NEK5: variants seen among roughly 807,000 people sequenced by gnomAD.
The protein encoded by NEK5 is NIMA related kinase 5.
Under a neutral mutation model 109.2 loss-of-function variants are expected in NEK5, and 88 were observed. The ratio of observed to expected loss-of-function variants is 0.81; its 90% confidence interval spans 0.68 to 0.96. The LOEUF (loss-of-function observed/expected upper bound fraction) is 0.96. Ranked by LOEUF, NEK5 falls within the 40% of genes least tolerant of loss-of-function variation. The pLI is 0.00. For missense variants in NEK5, 834 were observed against 920.7 expected, an observed-to-expected ratio of 0.91 and a Z score of 1.22; for synonymous variants, 283 against 299.9, an observed-to-expected ratio of 0.94 and a Z score of 0.58.
chr13:52,064,563 C>T (rs1408202407), intron 21 of NEK5, among the ~76,000 whole-genome samples: 30 of 151,862 alleles, frequency 2.0e-4, no homozygotes, highest in African/African-American at 6.0e-4. Flanking sequence ...TCTGCCCGGC[C>T]GCCCCTACTG....
In NEK5 at chr13:52,036,231, TTC is replaced by T. The variant is rs1332248666; in HGVS notation, c.*715_*716del. 6.6e-6 allele frequency: 1 copy of T among 152,268 alleles called. No individual in the cohort carries two copies. Among genetic ancestry groups the T allele is most frequent in the Non-Finnish European group, 1.5e-5 (1 of 68,086 alleles). 9.4% of individuals were successfully genotyped at this position (152,268 alleles called of 1,614,324 possible). On this transcript the variant is annotated 3_prime_UTR_variant, in exon 24 of 24. Coordinates refer to ENST00000684899, the MANE Select transcript of NEK5 (RefSeq NM_001365552.1). ...TTTTCATGCTGCGATCTCTCTGGTT[TTC>T]TCTTTTGTCTTCCTCTTCCACTTGT...
At chr13:52,084,726 A>T (rs1413541217) in intron 16 of NEK5, among the ~76,000 whole-genome samples, 1 of 128,254 alleles carries the variant, frequency 7.8e-6, no homozygotes, top group African/African-American at 3.0e-5. Context: ...AGAGAGAGAG[A>T]GAGAGAGTGA....
At position 52,035,237 on chromosome 13, in the gene NEK5, A is replaced by C. The variant is rs890869623; in HGVS notation, c.*1711T>G. The C allele has an allele frequency of 1.3e-5, 2 of 151,988 alleles. No individual in the cohort carries two copies. The highest frequency in any genetic ancestry group is 4.8e-5 in the African/African-American group (2 of 41,452). The allele number at this position is 151,988 out of a possible 1,614,324, so 9.4% of individuals were successfully genotyped here. The stretch of plus-strand genomic sequence containing the variant: ...ACCAAGTTGAAAGAACAGTCTGTCA[A>C]ACATCAGGAAATAGTCACAAAAAAC... On this transcript the variant is annotated 3_prime_UTR_variant, in exon 24 of 24. Coordinates refer to ENST00000684899, the MANE Select transcript of NEK5 (RefSeq NM_001365552.1).
chr13:52,107,775 G>T (rs1223390830), intron 8 of NEK5, among the ~76,000 whole-genome samples: 1 of 151,938 alleles, frequency 6.6e-6, no homozygotes, highest in Non-Finnish European at 1.5e-5. Flanking sequence ...AACTCCCCAG[G>T]CCTCCACAAA....
chr13:52,061,402 A>G (rs1954613781), intron 22 of NEK5, among the ~76,000 whole-genome samples: 1 of 152,180 alleles, frequency 6.6e-6, no homozygotes, highest in Non-Finnish European at 1.5e-5. Flanking sequence ...CTTAAAGTAA[A>G]CAAAAGCAGA....
intron 20 of NEK5, among the ~76,000 whole-genome samples, chr13:52,069,729 C>A (rs1217610747): frequency 6.6e-6 from 1 of 152,184 alleles, no homozygotes; most frequent in Non-Finnish European, 1.5e-5. Flanking sequence ...TATCTATTCT[C>A]CCTGCACCAC....
rs770147924 is a variant in NEK5, at chr13:52,086,305, A to AT, written c.1450dup (p.Ile484AsnfsTer2). On this transcript the variant is annotated frameshift_variant, in exon 16 of 24. Coordinates refer to ENST00000684899, the MANE Select transcript of NEK5 (RefSeq NM_001365552.1). LOFTEE classifies it high-confidence loss of function. ...TGGTTCTCTCCCCATCTTCTTTCTA[A>AT]TTTCTTTCATGTCATTGTGGTACTG... 1.2e-6 allele frequency: 2 copies of AT among 1,611,656 alleles called. No homozygotes were observed. Among genetic ancestry groups the AT allele is most frequent in the African/African-American group, 2.7e-5 (2 of 74,878 alleles).
chr13:52,115,645 A>G (rs1246889628), intron 4 of NEK5, among the ~76,000 whole-genome samples: 1 of 149,824 alleles, frequency 6.7e-6, no homozygotes, highest in Non-Finnish European at 1.5e-5. Flanking sequence ...CTTAATGTCA[A>G]TTAGCATTAT....
At chr13:52,106,045 C>T (rs1955647303) in intron 8 of NEK5, among the ~76,000 whole-genome samples, 1 of 151,974 alleles carries the variant, frequency 6.6e-6, no homozygotes, top group Non-Finnish European at 1.5e-5. Flanking sequence ...TACAAGCAAA[C>T]AAAACAATGC....
chr13:52,080,066 G>GC (rs1478014285), intron 17 of NEK5, among the ~76,000 whole-genome samples: 1 of 150,766 alleles, frequency 6.6e-6, no homozygotes, highest in Non-Finnish European at 1.5e-5. Context: ...CCGCCCGGCA[G>GC]CCGCCCGGTC....
chr13:52,073,307 C>T (rs1394746384), intron 19 of NEK5, among the ~76,000 whole-genome samples: 1 of 151,164 alleles, frequency 6.6e-6, no homozygotes, highest in Non-Finnish European at 1.5e-5. Flanking sequence ...GAACACCAAA[C>T]ATTTTTCTTT....
intron 14 of NEK5, 52 bp from the exon 15 acceptor site, chr13:52,087,506 C>T (rs748276599): frequency 3.3e-6 from 3 of 902,494 alleles, no homozygotes; most frequent in Non-Finnish European, 3.5e-6. Flanking sequence ...TCGGAAACAT[C>T]TTCTGATTTG....
At chr13:52,064,231 G>A (rs1954647519) in intron 21 of NEK5, among the ~76,000 whole-genome samples, 1 of 139,976 alleles carries the variant, frequency 7.1e-6, no homozygotes, top group Non-Finnish European at 1.6e-5. Flanking sequence ...GAGGTGGGGG[G>A]GTCAGCCCCC....
intron 21 of NEK5, among the ~76,000 whole-genome samples, chr13:52,063,526 G>A (rs1351938004): frequency 7.3e-5 from 11 of 151,126 alleles, no homozygotes; most frequent in South Asian, 2.1e-4. Context: ...GTCTCTGCCC[G>A]GCCGCCCATC....
In NEK5 at chr13:52,083,259, C is replaced by T. The variant is rs374922763; in HGVS notation, c.1572+1G>A. The T allele has an allele frequency of 3.0e-5, 48 of 1,599,898 alleles. No homozygotes were observed. The highest frequency in any genetic ancestry group is 3.9e-5 in the Non-Finnish European group (45 of 1,167,114). On this transcript the variant is annotated splice_donor_variant, in intron 17 of 23. Transcript: ENST00000684899. LOFTEE classifies it high-confidence loss of function. Reference sequence around the variant, plus strand: ...ACACATCTGATCATAGCCATCATTACCTGCACAGGTGCTTCTCCCTCAGAT... The same window carrying T: ...ACACATCTGATCATAGCCATCATTATCTGCACAGGTGCTTCTCCCTCAGAT...
intron 15 of NEK5, among the ~76,000 whole-genome samples, chr13:52,086,914 G>A (rs1295294392): frequency 3.3e-5 from 5 of 152,202 alleles, no homozygotes; most frequent in Non-Finnish European, 7.3e-5. Flanking sequence ...TGCCAGTGAC[G>A]CACCAGAAGC....
intron 21 of NEK5, among the ~76,000 whole-genome samples, chr13:52,063,712 C>T (rs1383716357): frequency 2.6e-5 from 4 of 151,842 alleles, no homozygotes; most frequent in Non-Finnish European, 5.9e-5. Context: ...AGAAGCGCCT[C>T]TGCCCGGCCG....
chr13:52,047,461 C>T (rs1384517651), intron 23 of NEK5, among the ~76,000 whole-genome samples: 2 of 152,060 alleles, frequency 1.3e-5, no homozygotes, highest in Admixed American at 1.3e-4. Flanking sequence ...GACTGTGTAG[C>T]TGATGTAAAG....
At chr13:52,098,708 A>G (rs1276450050) in intron 12 of NEK5, among the ~76,000 whole-genome samples, 1 of 152,214 alleles carries the variant, frequency 6.6e-6, no homozygotes, top group Non-Finnish European at 1.5e-5. Flanking sequence ...TCCTATACAG[A>G]AAAATCTTAT....
Sources: allele counts gnomAD v4.1 joint callset (sites outside exome capture counted in the v4.1 genomes callset), GRCh38; gene constraint gnomAD v4.1.1; transcripts MANE v1.5; gene names NCBI Gene and HGNC (gene_info 2026-07-23, HGNC 2026-07-21).